Variants in KCNJ6 observed in about 807,000 individuals in gnomAD.
KCNJ6 encodes the protein G protein-activated inward rectifier potassium channel 2.
A neutral mutation model predicts 34.2 loss-of-function variants in KCNJ6; 9 were observed. That is an observed-to-expected ratio of 0.26 (90% CI 0.16 to 0.46). The LOEUF (loss-of-function observed/expected upper bound fraction) is 0.46, where lower values mean the gene tolerates loss of function less well. Among genes scored for constraint, KCNJ6 ranks in the 20% least tolerant of loss-of-function variants. The pLI is 1.00. For synonymous variants in KCNJ6, 196 were observed against 207.1 expected (o/e 0.95, Z 0.46); for missense variants, 236 against 531.3 (o/e 0.44, Z 5.46).
At chr21:37,683,498 C>T (rs2054599115) in intron 3 of KCNJ6, among the ~76,000 whole-genome samples, 1 of 152,238 alleles carries the variant, frequency 6.6e-6, no homozygotes, top group Non-Finnish European at 1.5e-5. Flanking sequence ...CTTCTTTAAG[C>T]CCACTGGCTT....
intron 3 of KCNJ6, among the ~76,000 whole-genome samples, chr21:37,637,061 T>C (rs1160756581): frequency 6.6e-6 from 1 of 152,248 alleles, no homozygotes; most frequent in Non-Finnish European, 1.5e-5. Flanking sequence ...TTTACTCCTG[T>C]GCCCATTCTC....
At chr21:37,634,049 A>G (rs913844920) in intron 3 of KCNJ6, among the ~76,000 whole-genome samples, 6 of 152,222 alleles carry the variant, frequency 3.9e-5, no homozygotes, top group East Asian at 1.9e-4. Context: ...ATCACAGGAC[A>G]TATTTAGTAA....
rs2054291994 is a variant in KCNJ6, at chr21:37,622,213, A to G, written c.*2946T>C. 1 of 152,222 alleles carries G rather than the reference A, an allele frequency of 6.6e-6. No homozygotes were observed. The highest frequency in any genetic ancestry group is 1.5e-5 in the Non-Finnish European group (1 of 68,034). The allele number at this position is 152,222 out of a possible 1,614,324, so 9.4% of individuals were successfully genotyped here. On this transcript the variant is annotated 3_prime_UTR_variant, in exon 4 of 4. Transcript: ENST00000609713. The stretch of plus-strand genomic sequence containing the variant: ...AAACAGACCAAAGGATCTAGTTGAG[A>G]GTGATCTTCATTAGTTATGGATACT...
At chr21:37,906,567 A>C (rs1358326155) in intron 1 of KCNJ6, among the ~76,000 whole-genome samples, 3 of 152,138 alleles carry the variant, frequency 2.0e-5, no homozygotes, top group African/African-American at 7.2e-5. Flanking sequence ...GAGAATTTGC[A>C]TTTGTAGCCA....
At chr21:37,702,010 A>G (rs2054693682) in intron 3 of KCNJ6, among the ~76,000 whole-genome samples, 1 of 152,102 alleles carries the variant, frequency 6.6e-6, no homozygotes, top group Admixed American at 6.5e-5. Flanking sequence ...AGGTGGGTGG[A>G]TCACTTGAGG....
At chr21:37,755,367 C>T (rs1336485655) in intron 2 of KCNJ6, among the ~76,000 whole-genome samples, 2 of 152,118 alleles carry the variant, frequency 1.3e-5, no homozygotes, top group Non-Finnish European at 2.9e-5. Context: ...AAAGCTATGC[C>T]CCTGGGATAG....
chr21:37,713,542 C>T (rs1009085672), intron 3 of KCNJ6, among the ~76,000 whole-genome samples: 9 of 152,178 alleles, frequency 5.9e-5, no homozygotes, highest in African/African-American at 2.2e-4. Context: ...TTCTCTATTT[C>T]CTGAACAGAT....
At chr21:37,678,386 T>C (rs1275308842) in intron 3 of KCNJ6, among the ~76,000 whole-genome samples, 1 of 152,236 alleles carries the variant, frequency 6.6e-6, no homozygotes, top group Non-Finnish European at 1.5e-5. Context: ...TGGTCGGTGC[T>C]GTTTTAGAGA....
chr21:37,698,700 T>TA (rs1296456335), intron 3 of KCNJ6, among the ~76,000 whole-genome samples: 3 of 146,754 alleles, frequency 2.0e-5, no homozygotes, highest in African/African-American at 7.5e-5. Flanking sequence ...CCCAGGTAAT[T>TA]TTTTTTTTTT....
chr21:37,695,283 A>G lies in KCNJ6; in HGVS notation c.946+18928T>C, dbSNP rs137907136. On this transcript the variant is annotated intron_variant, in intron 3 of 3. Coordinates refer to ENST00000609713, the MANE Select transcript of KCNJ6 (RefSeq NM_002240.5). The surrounding 1 kb of genome is among the most constrained non-coding windows in gnomAD (Gnocchi z 4.2). ...GTGTCCATCCCATAAAAGGAAATCA[A>G]TGGCTAAGCAAAAGTCCAACTATTC... 1.3e-5 allele frequency among the ~76,000 whole-genome samples: 2 copies of G among 152,328 alleles called. No homozygotes were observed. Among genetic ancestry groups the G allele is most frequent in the Non-Finnish European group, 2.9e-5 (2 of 68,022 alleles).
chr21:37,750,726 G>A (rs1275054501), intron 2 of KCNJ6, among the ~76,000 whole-genome samples: 1 of 151,908 alleles, frequency 6.6e-6, no homozygotes, highest in Non-Finnish European at 1.5e-5. Context: ...TCCAGGGCCT[G>A]TCTAGGGTGG....
chr21:37,911,021 G>A (rs1412762265), intron 1 of KCNJ6, among the ~76,000 whole-genome samples: 6 of 152,162 alleles, frequency 3.9e-5, no homozygotes, highest in Middle Eastern at 3.2e-3. Flanking sequence ...ATAGTTTAGA[G>A]AGGATACAGA....
At chr21:37,738,640 G>A (rs1397202651) in intron 2 of KCNJ6, among the ~76,000 whole-genome samples, 1 of 152,172 alleles carries the variant, frequency 6.6e-6, no homozygotes, top group African/African-American at 2.4e-5. Flanking sequence ...ATTCAAAGAT[G>A]CTGGTGCTCC....
At chr21:37,866,579 G>A (rs981423449) in intron 1 of KCNJ6, among the ~76,000 whole-genome samples, 2 of 152,220 alleles carry the variant, frequency 1.3e-5, no homozygotes, top group African/African-American at 4.8e-5. Flanking sequence ...CAAATGGAAT[G>A]ACCAGCTGGA....
intron 3 of KCNJ6, among the ~76,000 whole-genome samples, chr21:37,682,986 C>T (rs1342697646): frequency 1.3e-5 from 2 of 152,184 alleles, no homozygotes; most frequent in African/African-American, 4.8e-5. Context: ...AACCGCGCTT[C>T]GGCCAAATCA....
At chr21:37,722,967 A>G (rs1005471486) in intron 2 of KCNJ6, among the ~76,000 whole-genome samples, 30 of 152,376 alleles carry the variant, frequency 2.0e-4, no homozygotes, top group African/African-American at 6.7e-4. Context: ...GCCTCTGTAC[A>G]GCAAAACAAA....
intron 2 of KCNJ6, among the ~76,000 whole-genome samples, chr21:37,727,578 G>T (rs2054861508): frequency 6.6e-6 from 1 of 152,114 alleles, no homozygotes; most frequent in Non-Finnish European, 1.5e-5. Flanking sequence ...AAGGGTTTAG[G>T]TTGATGTTAT....
chr21:37,852,089 A>G (rs1183492813), intron 1 of KCNJ6, among the ~76,000 whole-genome samples: 2 of 152,220 alleles, frequency 1.3e-5, no homozygotes, highest in African/African-American at 2.4e-5. Flanking sequence ...TATAGAAAAA[A>G]CAGCAATTCC....
intron 3 of KCNJ6, among the ~76,000 whole-genome samples, chr21:37,641,358 G>C (rs1015819976): frequency 6.6e-6 from 1 of 152,088 alleles, no homozygotes; most frequent in African/African-American, 2.4e-5. Flanking sequence ...ACTTTGATGG[G>C]TTCTGAGAAC....
Sources: allele counts gnomAD v4.1 joint callset (sites outside exome capture counted in the v4.1 genomes callset), GRCh38; gene constraint gnomAD v4.1.1; non-coding constraint Gnocchi (gnomAD v3.1); transcripts MANE v1.5; gene names NCBI Gene and HGNC (gene_info 2026-07-23, HGNC 2026-07-21).